CD163: variants seen among roughly 807,000 people sequenced by gnomAD.
CD163 encodes scavenger receptor cysteine-rich type 1 protein M130.
Under a neutral mutation model 129.2 loss-of-function variants are expected in CD163, and 64 were observed. That is an observed-to-expected ratio of 0.50 (90% CI 0.41 to 0.61). CD163 has a LOEUF of 0.61. CD163 is among the 20% of genes least tolerant of loss of function. CD163 has a pLI of 0.00. For synonymous variants in CD163, 446 were observed against 478.5 expected (o/e 0.93, Z 0.89); for missense variants, 1,061 against 1,377.9 (o/e 0.77, Z 3.64).
chr12:7,487,794 C>G lies in CD163; in HGVS notation c.1714G>C (p.Asp572His). ...RPEGTCSHSRDVGVVCSRYTE... is the reference protein window; with the variant it reads ...RPEGTCSHSRHVGVVCSRYTE... ...TTACTTGAGCAGACTACTCCAACAT[C>G]CCTGCTGTGGCTACAAGTTCCTTCT... is the stretch of plus-strand genomic sequence containing the variant. The change falls in exon 7 of 17, where the codon GAT becomes CAT. Residue 572 changes from aspartate (D) to histidine (H), a missense_variant. By Grantham distance (81) the Asp-to-His change is moderately conservative. Coordinates refer to ENST00000432237, the MANE Select transcript of CD163 (RefSeq NM_203416.4). This position sits in a 1 kb window ranked among gnomAD's most constrained non-coding sequence, Gnocchi z 5.1. 1 of 1,614,082 alleles carries G rather than the reference C, an allele frequency of 6.2e-7. No individual in the cohort carries two copies. The highest frequency in any genetic ancestry group is 8.5e-7 in the Non-Finnish European group (1 of 1,180,030).
In CD163 at chr12:7,475,371, C is replaced by T. The variant is rs150314732; in HGVS notation, c.*32-3974G>A. Among the ~76,000 whole-genome samples the T allele has an allele frequency of 9.0e-3, 1,373 of 152,240 alleles. 7 individuals are homozygous for T. Among genetic ancestry groups the T allele is most frequent in the Middle Eastern group, 0.031 (9 of 294 alleles). On this transcript the variant is annotated intron_variant, in intron 16 of 16. Coordinates refer to ENST00000432237, the MANE Select transcript of CD163 (RefSeq NM_203416.4). ...TACTGGCAAACCAAATCCAGCAGTA[C>T]ATTAAAAAGCTTATCCACCACAATC...
chr12:7,479,520 T>C (rs1255059359), intron 16 of CD163, among the ~76,000 whole-genome samples: 2 of 152,168 alleles, frequency 1.3e-5, no homozygotes, highest in African/African-American at 4.8e-5. Context: ...GTCTTTACCA[T>C]AGCATGTATT....
intron 16 of CD163, among the ~76,000 whole-genome samples, chr12:7,472,578 T>C (rs10128828): frequency 0.24 from 36,977 of 151,992 alleles, 5,757 homozygotes; most frequent in Admixed American, 0.4. Context: ...GGTCATCAGC[T>C]CCAAATATCA....
rs3210140 is a variant in CD163 at position 7,502,541 on chromosome 12, A to G, written c.70T>C (p.Leu24=). 0.68 allele frequency: 1,082,436 copies of G among 1,580,494 alleles called. 384,695 individuals carry two copies. Among genetic ancestry groups the G allele is most frequent in the Non-Finnish European group, 0.73 (845,190 of 1,154,430 alleles). The part of the protein sequence containing the change: ...SADFRRHFVN[L]SPFTITVVLL... ...ACCACAGTAATGGTGAAGGGACTCA[A>G]GTTGACAAAATGTCTTCTGAAGTCT... The change falls in exon 2 of 17, where the codon TTG becomes CTG. Residue 24 remains leucine, a synonymous_variant. Coordinates refer to ENST00000432237, the MANE Select transcript of CD163 (RefSeq NM_203416.4).
At position 7,496,846 on chromosome 12, in the gene CD163, T is replaced by A; in HGVS notation, c.1066A>T (p.Asn356Tyr). 1 of 1,614,158 alleles carries A rather than the reference T, an allele frequency of 6.2e-7. No homozygotes were observed. The highest frequency in any genetic ancestry group is 8.5e-7 in the Non-Finnish European group (1 of 1,179,996). The change falls in exon 5 of 17, where the codon AAT becomes TAT. Residue 356 changes from asparagine to tyrosine, a missense_variant. Asn to Tyr is a moderately radical substitution (Grantham distance 143). Coordinates refer to ENST00000432237, the MANE Select transcript of CD163 (RefSeq NM_203416.4). This position sits in a 1 kb window ranked among gnomAD's most constrained non-coding sequence, Gnocchi z 4.8. ...GTCACGCCAGCATCTTCATTGTGAT[T>A]GCAATAATGCTTTCCCCATTCATGG... The part of the protein sequence containing the change: ...KHHEWGKHYC[N>Y]HNEDAGVTCS...
chr12:7,500,196 G>A (rs1367039245), intron 3 of CD163, among the ~76,000 whole-genome samples: 1 of 151,816 alleles, frequency 6.6e-6, no homozygotes, highest in East Asian at 1.9e-4. Flanking sequence ...CGAGGCAGGT[G>A]GATCACCTGA....
chr12:7,494,507 C>G lies in CD163; in HGVS notation c.1420+574G>C, dbSNP rs762184628. On this transcript the variant is annotated intron_variant, in intron 6 of 16. Coordinates refer to ENST00000432237, the MANE Select transcript of CD163 (RefSeq NM_203416.4). ...TTCTTGTACACTGTGTTTTCTAAAG[C>G]CTTTTTGTTGCATGAGTAAAAGTTA... Among the ~76,000 whole-genome samples, 29 of 152,170 alleles carry G rather than the reference C, an allele frequency of 1.9e-4. No homozygotes were observed. In the South Asian group the frequency reaches 5.6e-3, roughly 29 times the overall value.
chr12:7,485,161 C>T lies in CD163; in HGVS notation c.2714G>A (p.Cys905Tyr). The T allele has an allele frequency of 6.2e-7, 1 of 1,614,060 alleles. No homozygotes were observed. The highest frequency in any genetic ancestry group is 8.5e-7 in the Non-Finnish European group (1 of 1,179,942). The change falls in exon 11 of 17, where the codon TGC (cysteine) becomes TAC (tyrosine). Residue 905 changes from cysteine to tyrosine, a missense_variant. Physicochemically the swap from Cys to Tyr is radical, Grantham distance 194. Transcript: ENST00000432237. The surrounding 1 kb of genome is among the most constrained non-coding windows in gnomAD (Gnocchi z 4.5). ...TCTCTTCTCCCATGGAGATGATGGG[C>T]ACTGCCACAGCGTGTCAGGTCCTTT... ...CPKGPDTLWQCPSSPWEKRLA... is the reference protein window; with the variant it reads ...CPKGPDTLWQYPSSPWEKRLA...
Position 7,486,746 on chromosome 12 carries a change from C to T in CD163, c.2211G>A (p.Glu737=), listed in dbSNP as rs746074392. The part of the protein sequence containing the change: ...RCAGRVEIYH[E]GSWGTICDDS... Reference sequence around the variant, plus strand: ...CATCACAGATGGTGCCCCAGGAGCCCTCATGATAGATCTCTACTCTCCCAG... The same window carrying T: ...CATCACAGATGGTGCCCCAGGAGCCTTCATGATAGATCTCTACTCTCCCAG... The change falls in exon 10 of 17, where the codon GAG becomes GAA. Residue 737 remains glutamate, a synonymous_variant. Coordinates refer to ENST00000432237, the MANE Select transcript of CD163 (RefSeq NM_203416.4). The T allele has an allele frequency of 1.2e-6, 2 of 1,614,200 alleles. No individual in the cohort carries two copies. Among genetic ancestry groups the T allele is most frequent in the Admixed American group, 1.7e-5 (1 of 60,026 alleles).
intron 16 of CD163, among the ~76,000 whole-genome samples, chr12:7,476,522 T>C (rs1359448549): frequency 1.3e-5 from 2 of 151,882 alleles, no homozygotes; most frequent in Non-Finnish European, 2.9e-5. Context: ...GCTGGGAAAA[T>C]TGGCTAACCA....
At chr12:7,492,339 A>C (rs1201732502) in intron 6 of CD163, among the ~76,000 whole-genome samples, 1 of 152,162 alleles carries the variant, frequency 6.6e-6, no homozygotes, top group African/African-American at 2.4e-5. Context: ...ATCTGAATAG[A>C]ATCCTGAATA....
intron 5 of CD163, among the ~76,000 whole-genome samples, chr12:7,495,754 G>C (rs997929597): frequency 5.9e-5 from 9 of 152,094 alleles, no homozygotes; most frequent in African/African-American, 2.2e-4. Flanking sequence ...TTAGAGAAAT[G>C]CAAATCAAAA....
In CD163 at chr12:7,486,208, G is replaced by A. The variant is rs757393903; in HGVS notation, c.2458+291C>T. 3.3e-5 allele frequency among the ~76,000 whole-genome samples: 5 copies of A among 151,938 alleles called. No individual in the cohort carries two copies. The East Asian group carries it at 7.7e-4, about 23-fold the overall frequency. ...AATTATCAAGTGTTGCTATTGGATCGCTATCTAATATCTGGCCCCAAATAT... is the reference window on the plus strand; with the variant it reads ...AATTATCAAGTGTTGCTATTGGATCACTATCTAATATCTGGCCCCAAATAT... On this transcript the variant is annotated intron_variant, in intron 10 of 16. Transcript: ENST00000432237.
chr12:7,492,509 A>G (rs1437490634), intron 6 of CD163, among the ~76,000 whole-genome samples: 1 of 152,174 alleles, frequency 6.6e-6, no homozygotes, highest in East Asian at 1.9e-4. Flanking sequence ...GGTAAGCCTC[A>G]CTTTGAAAAG....
chr12:7,482,593 GA>G lies in CD163; in HGVS notation c.3247+49del, dbSNP rs770772652. 3 of 1,589,138 alleles carry G rather than the reference GA, an allele frequency of 1.9e-6. No homozygotes were observed. In the East Asian group the frequency reaches 6.7e-5, roughly 36 times the overall value. On this transcript the variant is annotated intron_variant, in intron 14 of 16. Coordinates refer to ENST00000432237, the MANE Select transcript of CD163 (RefSeq NM_203416.4). Reference sequence around the variant, plus strand: ...TGAGTCTAATATTTTCGTCTTACAAGAACCCCCTTATCCTGTAGACATATTA... The same window carrying G: ...TGAGTCTAATATTTTCGTCTTACAAGACCCCCTTATCCTGTAGACATATTA...
rs1949142198 is a variant in CD163, at chr12:7,480,091, A to G, written c.3344-178T>C. ...GCAACTAAAAACACCACCCATAACTAGGAAGAAAAGCATGTGTGATTTAAG... is the reference window on the plus strand; with the variant it reads ...GCAACTAAAAACACCACCCATAACTGGGAAGAAAAGCATGTGTGATTTAAG... On this transcript the variant is annotated intron_variant, in intron 15 of 16. Coordinates refer to ENST00000432237, the MANE Select transcript of CD163 (RefSeq NM_203416.4). The G allele has an allele frequency of 4.4e-6, 5 of 1,133,416 alleles. No homozygotes were observed. In the Admixed American group the frequency reaches 1.3e-4, roughly 29 times the overall value. The allele number at this position is 1,133,416 out of a possible 1,614,324, so 70.2% of individuals were successfully genotyped here.
intron 16 of CD163, among the ~76,000 whole-genome samples, chr12:7,472,663 T>C (rs1949022108): frequency 1.3e-5 from 2 of 152,200 alleles, no homozygotes; most frequent in African/African-American, 4.8e-5. Flanking sequence ...AGAATGGCTC[T>C]TCTCCTTTAA....
intron 15 of CD163, 53 bp from the exon 16 acceptor site, chr12:7,479,966 G>A (rs754899821): frequency 1.2e-6 from 2 of 1,611,624 alleles, no homozygotes; most frequent in Admixed American, 3.3e-5. Context: ...TAGTTCAGCA[G>A]CACTGAAATC....
Position 7,485,360 on chromosome 12 carries a change from G to T in CD163, c.2515C>A (p.Leu839Met). The T allele has an allele frequency of 6.2e-7, 1 of 1,614,196 alleles. No individual in the cohort carries two copies. The highest frequency in any genetic ancestry group is 1.7e-5 in the Admixed American group (1 of 60,032). Residue 839 changes from leucine to methionine, a missense_variant, in exon 11 of 17, where the codon CTG (leucine) becomes ATG (methionine). Coordinates refer to ENST00000432237, the MANE Select transcript of CD163 (RefSeq NM_203416.4). This position sits in a 1 kb window ranked among gnomAD's most constrained non-coding sequence, Gnocchi z 4.5. ...EASREACAGR[L>M]EVFYNGAWGT... ...CAAGCTCCATTGTAAAAAACTTCCA[G>T]ACGCCCTGCACAGGCCTCTCTGCTG...
Sources: gnomAD v4.1 joint callset for allele counts (sites outside exome capture counted in the v4.1 genomes callset) on GRCh38, gnomAD v4.1.1 for gene constraint, Gnocchi (gnomAD v3.1) non-coding constraint, MANE v1.5 for transcripts, NCBI Gene and HGNC (gene_info 2026-07-23, HGNC 2026-07-21) for gene names.